The following SLC66A2 variants were observed in gnomAD, a reference collection of about 807,000 sequenced individuals.
SLC66A2 encodes PQ loop repeat containing 1.
Under a neutral mutation model 25.5 loss-of-function variants are expected in SLC66A2, and 23 were observed. The observed-to-expected ratio is 0.90, with a 90% CI of 0.65 to 1.28. The LOEUF (loss-of-function observed/expected upper bound fraction) is 1.28. Ranked by LOEUF, SLC66A2 falls within the 50% of genes most tolerant of loss-of-function variation. The probability of loss-of-function intolerance (pLI) is 0.00; values close to 1 mark genes in which losing one functional copy is unlikely to be tolerated. For missense variants in SLC66A2, 396 were observed against 373.1 expected, an observed-to-expected ratio of 1.06 and a Z score of -0.51; for synonymous variants, 193 against 166.5, an observed-to-expected ratio of 1.16 and a Z score of -1.23.
At chr18:79,912,130 G>GGACAGCAGC (rs1599506452) in intron 5 of SLC66A2, among the ~76,000 whole-genome samples, 1 of 146,470 alleles carries the variant, frequency 6.8e-6, no homozygotes, top group Admixed American at 6.8e-5. Flanking sequence ...AGCAGGGAGG[G>GGACAGCAGC]AGTGGGAGCA....
chr18:79,938,359 C>A (rs1284143908), intron 3 of SLC66A2, among the ~76,000 whole-genome samples: 1 of 152,138 alleles, frequency 6.6e-6, no homozygotes, highest in African/African-American at 2.4e-5. Context: ...CAGCCATGGC[C>A]TGGCCGAAGA....
rs60630443 is a variant in SLC66A2 at position 79,933,370 on chromosome 18, G to A, written c.391+599C>T. Among the ~76,000 whole-genome samples, 621 of 152,284 alleles carry A rather than the reference G, an allele frequency of 4.1e-3. 17 individuals are homozygous for A. In the East Asian group the frequency reaches 0.065, roughly 16 times the overall value. On this transcript the variant is annotated intron_variant, in intron 4 of 5. Transcript: ENST00000397778. ...AGATGGAATGCTTTCTCACTAAAATGAAGAATAAGATAGGTGCATCCACTC... is the reference window on the plus strand; with the variant it reads ...AGATGGAATGCTTTCTCACTAAAATAAAGAATAAGATAGGTGCATCCACTC...
intron 3 of SLC66A2, among the ~76,000 whole-genome samples, chr18:79,936,261 G>A (rs1987078091): frequency 6.6e-6 from 1 of 152,218 alleles, no homozygotes; most frequent in African/African-American, 2.4e-5. Flanking sequence ...GCCCAGGCGA[G>A]CCCCCAATGG....
At position 79,928,392 on chromosome 18, in the gene SLC66A2, C is replaced by A. The variant is rs80093715; in HGVS notation, c.391+5577G>T. 5.8e-3 allele frequency among the ~76,000 whole-genome samples: 881 copies of A among 152,312 alleles called. 5 individuals carry two copies. Among genetic ancestry groups the A allele is most frequent in the Middle Eastern group, 0.02 (6 of 294 alleles). ...AGAGCGTTGCTCTGCCAGCCTGAAA[C>A]CTTCTTCATGCTTCCAGCCATCAGG... On this transcript the variant is annotated intron_variant, in intron 4 of 5. Transcript: ENST00000397778.
intron 3 of SLC66A2, among the ~76,000 whole-genome samples, chr18:79,939,573 G>A (rs1478989282): frequency 6.6e-6 from 1 of 152,130 alleles, no homozygotes; most frequent in African/African-American, 2.4e-5. Context: ...AGTGGGCAAA[G>A]GACATGAACA....
In SLC66A2 at chr18:79,919,173, C is replaced by A; in HGVS notation, c.608+11G>T. The A allele has an allele frequency of 6.2e-7, 1 of 1,611,496 alleles. No individual in the cohort carries two copies. The highest frequency in any genetic ancestry group is 8.5e-7 in the Non-Finnish European group (1 of 1,178,856). On this transcript the variant is annotated intron_variant, in intron 5 of 5. Transcript: ENST00000397778. ...AGCAGTGGTGCTTCCGTGGCGGCAT[C>A]CCCGGCCTACCTCATGCCCTCCGTG...
chr18:79,947,809 G>C (rs975847915), intron 2 of SLC66A2, among the ~76,000 whole-genome samples: 1 of 150,242 alleles, frequency 6.7e-6, no homozygotes, highest in African/African-American at 2.5e-5. Context: ...ACAAAGCCTG[G>C]AGAGGGGAAG....
intron 5 of SLC66A2, among the ~76,000 whole-genome samples, chr18:79,914,635 G>A (rs185486199): frequency 3.9e-4 from 60 of 152,328 alleles, no homozygotes; most frequent in Non-Finnish European, 8.1e-4. Flanking sequence ...GAAGATCCAC[G>A]GAGCGGTGGC....
intron 4 of SLC66A2, among the ~76,000 whole-genome samples, chr18:79,928,808 C>G (rs1222400888): frequency 6.6e-6 from 1 of 152,108 alleles, no homozygotes; most frequent in South Asian, 2.1e-4. Context: ...TCCACTCAGC[C>G]CCCACCCATG....
At chr18:79,914,915 C>T (rs1824545923) in intron 5 of SLC66A2, among the ~76,000 whole-genome samples, 1 of 152,272 alleles carries the variant, frequency 6.6e-6, no homozygotes, top group African/African-American at 2.4e-5. Context: ...TGGAAGGCAG[C>T]TGCTGGGCCT....
intron 5 of SLC66A2, among the ~76,000 whole-genome samples, chr18:79,905,014 G>A (rs1381238496): frequency 1.3e-5 from 2 of 152,176 alleles, no homozygotes; most frequent in African/African-American, 2.4e-5. Flanking sequence ...CCTGGGTGCC[G>A]TAGCCGCCCT....
At chr18:79,949,951 A>G (rs2051062035) in intron 2 of SLC66A2, 1 of 152,200 alleles carries the variant, frequency 6.6e-6, no homozygotes. Flanking sequence ...GCCTTCAACA[A>G]CTGTTAAAAT....
intron 5 of SLC66A2, among the ~76,000 whole-genome samples, chr18:79,913,509 G>A (rs138930841): frequency 1.7e-3 from 263 of 152,374 alleles, no homozygotes; most frequent in African/African-American, 6.0e-3. Flanking sequence ...CTACAACCAC[G>A]TAGTATTTTC....
chr18:79,916,944 T>C (rs1176679786), intron 5 of SLC66A2, among the ~76,000 whole-genome samples: 1 of 152,256 alleles, frequency 6.6e-6, no homozygotes, highest in Non-Finnish European at 1.5e-5. Flanking sequence ...CATCTGGCGC[T>C]GTCTCTGGGT....
rs1981711510 is a variant in SLC66A2 at position 79,904,330 on chromosome 18, A to AAG, written c.609-148_609-147insCT. 1.4e-6 allele frequency: 1 copy of AAG among 720,740 alleles called. No homozygotes were observed. Among genetic ancestry groups the AAG allele is most frequent in the Admixed American group, 2.6e-5 (1 of 37,988 alleles). 44.6% of individuals were successfully genotyped at this position (720,740 alleles called of 1,614,324 possible). ...GGGGACCCCCAGGCAGTCGGCGGGG[A>AAG]GGCCTGGGGCTCAGGGGGCACCCAG... On this transcript the variant is annotated intron_variant, in intron 5 of 5. Transcript: ENST00000397778. The surrounding 1 kb of genome is among the most constrained non-coding windows in gnomAD (Gnocchi z 6.3).
At chr18:79,943,025 A>C (rs1451053866) in intron 3 of SLC66A2, among the ~76,000 whole-genome samples, 1 of 152,220 alleles carries the variant, frequency 6.6e-6, no homozygotes, top group Non-Finnish European at 1.5e-5. Context: ...GGCACAGATG[A>C]GCACTTCTTG....
intron 5 of SLC66A2, among the ~76,000 whole-genome samples, chr18:79,912,899 T>C (rs1983449395): frequency 6.6e-6 from 1 of 152,164 alleles, no homozygotes; most frequent in South Asian, 2.1e-4. Context: ...GGGCCTGCTC[T>C]GCATCAAAGG....
Position 79,904,724 on chromosome 18 carries a change from C to T in SLC66A2, c.609-541G>A, listed in dbSNP as rs1364347163. On this transcript the variant is annotated intron_variant, in intron 5 of 5. Transcript: ENST00000397778. The surrounding 1 kb of genome is among the most constrained non-coding windows in gnomAD (Gnocchi z 6.3). ...TCCCTCCCTGGTGATAGATGCAAACCTTCCTTTCCTGGAGTGAACAGGGAG... is the reference window on the plus strand; with the variant it reads ...TCCCTCCCTGGTGATAGATGCAAACTTTCCTTTCCTGGAGTGAACAGGGAG... 6.6e-6 allele frequency among the ~76,000 whole-genome samples: 1 copy of T among 152,212 alleles called. No homozygotes were observed. Among genetic ancestry groups the T allele is most frequent in the African/African-American group, 2.4e-5 (1 of 41,444 alleles).
At chr18:79,938,476 C>A (rs1987333359) in intron 3 of SLC66A2, among the ~76,000 whole-genome samples, 1 of 152,094 alleles carries the variant, frequency 6.6e-6, no homozygotes, top group Admixed American at 6.5e-5. Context: ...GGGGCTCTGA[C>A]CCTGACTCAC....
Sources: allele counts gnomAD v4.1 joint callset (sites outside exome capture counted in the v4.1 genomes callset), GRCh38; gene constraint gnomAD v4.1.1; non-coding constraint Gnocchi (gnomAD v3.1); transcripts MANE v1.5; gene names NCBI Gene and HGNC (gene_info 2026-07-23, HGNC 2026-07-21).